NCAPH2: variants seen among roughly 807,000 people sequenced by gnomAD.
The protein encoded by NCAPH2 is non-SMC condensin II complex subunit H2.
A neutral mutation model predicts 88.6 loss-of-function variants in NCAPH2; 56 were observed. The observed-to-expected ratio is 0.63, with a 90% confidence interval of 0.51 to 0.79. The LOEUF is 0.79. NCAPH2 is among the 30% of genes least tolerant of loss of function. The pLI is 0.00. For synonymous variants in NCAPH2, 378 were observed against 313.6 expected (o/e 1.21, Z -2.17); for missense variants, 794 against 792.0 (o/e 1.00, Z -0.03).
In NCAPH2 at chr22:50,523,648, C is replaced by A. The variant is rs368908383; in HGVS notation, c.*273C>A. 4.3e-5 allele frequency: 69 copies of A among 1,613,804 alleles called. No individual in the cohort carries two copies. Among genetic ancestry groups the A allele is most frequent in the Non-Finnish European group, 5.5e-5 (65 of 1,180,028 alleles). On this transcript the variant is annotated 3_prime_UTR_variant, in exon 20 of 20. Transcript: ENST00000420993. Reference sequence around the variant, plus strand: ...ACTGCGGAAAGCCGCCATGTGCCGCCGCACACTGTCTGAGATCTGCTCAGC... The same window carrying A: ...ACTGCGGAAAGCCGCCATGTGCCGCAGCACACTGTCTGAGATCTGCTCAGC...
rs896874373 is a variant in NCAPH2, at chr22:50,518,588, C to T, written c.647-61C>T. On this transcript the variant is annotated intron_variant, in intron 7 of 19. Transcript: ENST00000420993. ...CCCCTTGGAGAGGCTTGTTGAACAC[C>T]GGGCAGGGACCATCTTGGAGAGGGG... is the stretch of plus-strand genomic sequence containing the variant. 38 of 1,496,308 alleles carry T rather than the reference C, an allele frequency of 2.5e-5. No individual in the cohort carries two copies. In the Admixed American group the frequency reaches 4.6e-4, roughly 18 times the overall value. The allele number at this position is 1,496,308 out of a possible 1,614,324, so 92.7% of individuals were successfully genotyped here.
At position 50,518,178 on chromosome 22, in the gene NCAPH2, C is replaced by T. The variant is rs749942415; in HGVS notation, c.546C>T (p.Asn182=). 8 of 1,614,000 alleles carry T rather than the reference C, an allele frequency of 5.0e-6. No individual in the cohort carries two copies. Among genetic ancestry groups the T allele is most frequent in the African/African-American group, 4.0e-5 (3 of 74,946 alleles). The stretch of plus-strand genomic sequence containing the variant: ...CCAGCCGGAAGGATTTCAGGATGAA[C>T]ACGTGCGTTCCCCACCCCAGAGGGG... The part of the protein sequence containing the change: ...VLASRKDFRM[N]TCVPHPRGAF... Residue 182 remains asparagine (N), a synonymous_variant, in exon 7 of 20, where the codon AAC becomes AAT. Coordinates refer to ENST00000420993, the MANE Select transcript of NCAPH2 (RefSeq NM_152299.4).
chr22:50,523,568 T>C lies in NCAPH2; in HGVS notation c.*193T>C, dbSNP rs1283409806. ...GGTACAGATCACACACACACACAGA[T>C]TAAACGCAGCCCGTTTAATGATGGG... On this transcript the variant is annotated 3_prime_UTR_variant, in exon 20 of 20. Transcript: ENST00000420993. The C allele has an allele frequency of 1.9e-6, 3 of 1,604,436 alleles. No individual in the cohort carries two copies. In the Admixed American group the frequency reaches 5.1e-5, roughly 27 times the overall value.
At chr22:50,515,404 ATTTTTT>A (rs1009978550) in intron 1 of NCAPH2, among the ~76,000 whole-genome samples, 1 of 147,664 alleles carries the variant, frequency 6.8e-6, no homozygotes, top group African/African-American at 2.5e-5. Flanking sequence ...CTACAAAAAC[ATTTTTT>A]TTTTGAGACG....
chr22:50,519,633 G>T, intron 9 of NCAPH2: 5 of 1,195,742 alleles, frequency 4.2e-6, no homozygotes, highest in Non-Finnish European at 5.2e-6. Context: ...TCTGCAGTCG[G>T]GCTGGTAGGA....
In NCAPH2 at chr22:50,524,643, A is replaced by T; in HGVS notation, c.*1268A>T. 2.8e-6 allele frequency: 2 copies of T among 703,232 alleles called. No individual in the cohort carries two copies. Among genetic ancestry groups the T allele is most frequent in the Non-Finnish European group, 5.3e-6 (2 of 376,452 alleles). The allele number at this position is 703,232 out of a possible 1,614,324, so 43.6% of individuals were successfully genotyped here. On this transcript the variant is annotated 3_prime_UTR_variant, in exon 20 of 20. Transcript: ENST00000420993. ...TCACTCCTGTCCTCTACCTGGGATCACCAGCCTGTCACCGCACCCTGCCCT... is the reference window on the plus strand; with the variant it reads ...TCACTCCTGTCCTCTACCTGGGATCTCCAGCCTGTCACCGCACCCTGCCCT...
intron 1 of NCAPH2, among the ~76,000 whole-genome samples, chr22:50,513,828 GA>G (rs1569520156): frequency 6.6e-6 from 1 of 152,204 alleles, no homozygotes; most frequent in Non-Finnish European, 1.5e-5. Context: ...GGATTTGAAA[GA>G]AAATGTATGG....
At chr22:50,516,376 G>T in intron 1 of NCAPH2, 71 bp from the exon 2 acceptor site, 4 of 1,442,596 alleles carry the variant, frequency 2.8e-6, no homozygotes, top group Non-Finnish European at 3.9e-6. Context: ...AAAGATGGGT[G>T]GGGCTGCCCT....
Position 50,513,016 on chromosome 22 carries a change from C to T in NCAPH2, c.109-3431C>T, listed in dbSNP as rs961078956. ...TAGGACTTCCTCTGTCATGGGAAGA[C>T]GGGTCCAAGAGAGTAACCGCATGGG... On this transcript the variant is annotated intron_variant, in intron 1 of 19. Coordinates refer to ENST00000420993, the MANE Select transcript of NCAPH2 (RefSeq NM_152299.4). Among the ~76,000 whole-genome samples the T allele has an allele frequency of 1.2e-4, 18 of 152,330 alleles. 1 individual carries two copies. Among genetic ancestry groups the T allele is most frequent in the Admixed American group, 3.9e-4 (6 of 15,298 alleles).
In NCAPH2 at chr22:50,524,072, G is replaced by T; in HGVS notation, c.*697G>T. 1 of 1,613,218 alleles carries T rather than the reference G, an allele frequency of 6.2e-7. No individual in the cohort carries two copies. The highest frequency in any genetic ancestry group is 8.5e-7 in the Non-Finnish European group (1 of 1,180,012). Reference sequence around the variant, plus strand: ...TGGCCCCGGAAGTCAGCCTTGCAGCGAGCCCGGCCTCTGTGATCCAGCAGG... The same window carrying T: ...TGGCCCCGGAAGTCAGCCTTGCAGCTAGCCCGGCCTCTGTGATCCAGCAGG... On this transcript the variant is annotated 3_prime_UTR_variant, in exon 20 of 20. Transcript: ENST00000420993.
At chr22:50,512,613 C>T (rs1569520043) in intron 1 of NCAPH2, among the ~76,000 whole-genome samples, 3 of 146,516 alleles carry the variant, frequency 2.0e-5, no homozygotes, top group Admixed American at 7.1e-5. Flanking sequence ...TGCAGTGGTG[C>T]AATCATGGCT....
At chr22:50,520,161 C>T (rs902870349) in intron 9 of NCAPH2, among the ~76,000 whole-genome samples, 32 of 151,740 alleles carry the variant, frequency 2.1e-4, no homozygotes, top group Admixed American at 1.3e-3. Context: ...TGAGCCACCA[C>T]GCCCGGCCCA....
At chr22:50,521,673 G>C in intron 11 of NCAPH2, 64 bp downstream of exon 11, 4 of 1,609,390 alleles carry the variant, frequency 2.5e-6, no homozygotes, top group Non-Finnish European at 3.4e-6. Flanking sequence ...GCATGAGGTG[G>C]GGGGGTGGGA....
Position 50,524,615 on chromosome 22 carries a change from C to T in NCAPH2, c.*1240C>T, listed in dbSNP as rs1222999816. 1.4e-6 allele frequency: 1 copy of T among 712,160 alleles called. No individual in the cohort carries two copies. Among genetic ancestry groups the T allele is most frequent in the East Asian group, 2.7e-5 (1 of 36,724 alleles). 44.1% of individuals were successfully genotyped at this position (712,160 alleles called of 1,614,324 possible). A position where few individuals can be genotyped will look rare whatever the true frequency, so the allele number is the denominator to read the frequency against. ...AACATCCACACCTGGGCAACCACACCTGTCACTCCTGTCCTCTACCTGGGA... is the reference window on the plus strand; with the variant it reads ...AACATCCACACCTGGGCAACCACACTTGTCACTCCTGTCCTCTACCTGGGA... On this transcript the variant is annotated 3_prime_UTR_variant, in exon 20 of 20. Transcript: ENST00000420993.
intron 1 of NCAPH2, chr22:50,515,725 T>C (rs1178631522): frequency 8.3e-7 from 1 of 1,199,856 alleles, no homozygotes; most frequent in Non-Finnish European, 1.1e-6. Flanking sequence ...TAAAGTGTCA[T>C]TTGCTGAGAA....
chr22:50,509,969 G>T (rs2068740880), intron 1 of NCAPH2, among the ~76,000 whole-genome samples: 1 of 152,134 alleles, frequency 6.6e-6, no homozygotes, highest in South Asian at 2.1e-4. Flanking sequence ...CTCACTCTGA[G>T]ACGGAAGTGC....
At position 50,523,529 on chromosome 22, in the gene NCAPH2, C is replaced by G. The variant is rs1228820223; in HGVS notation, c.*154C>G. On this transcript the variant is annotated 3_prime_UTR_variant, in exon 20 of 20. Coordinates refer to ENST00000420993, the MANE Select transcript of NCAPH2 (RefSeq NM_152299.4). ...TGCGCAGAGAAGAGGGCTGCCTGGC[C>G]TCCCTGGGCCGCTGGTACAGATCAC... 6.4e-7 allele frequency: 1 copy of G among 1,569,046 alleles called. No individual in the cohort carries two copies. The highest frequency in any genetic ancestry group is 8.7e-7 in the Non-Finnish European group (1 of 1,153,818).
intron 5 of NCAPH2, 32 bp downstream of exon 5, chr22:50,517,841 G>C: frequency 6.2e-7 from 1 of 1,611,464 alleles, no homozygotes; most frequent in East Asian, 2.2e-5. Flanking sequence ...CTTAGGCTGG[G>C]GTGAGGTCAG....
Position 50,524,131 on chromosome 22 carries a change from A to C in NCAPH2, c.*756A>C, listed in dbSNP as rs138294250. ...GCCCTGGCCCACAGCTGCCTGGCGC[A>C]GGGCTTCTGTTCGCTTTTGCTGCTG... On this transcript the variant is annotated 3_prime_UTR_variant, in exon 20 of 20. Coordinates refer to ENST00000420993, the MANE Select transcript of NCAPH2 (RefSeq NM_152299.4). The C allele has an allele frequency of 7.4e-6, 12 of 1,612,442 alleles. No individual in the cohort carries two copies. Among genetic ancestry groups the C allele is most frequent in the Non-Finnish European group, 9.3e-6 (11 of 1,180,026 alleles).
Sources: allele counts gnomAD v4.1 joint callset (sites outside exome capture counted in the v4.1 genomes callset), GRCh38; gene constraint gnomAD v4.1.1; transcripts MANE v1.5; gene names NCBI Gene and HGNC (gene_info 2026-07-23, HGNC 2026-07-21).